The following OR2L3 variants were observed in gnomAD, a reference collection of about 807,000 sequenced individuals.
The protein encoded by OR2L3 is olfactory receptor family 2 subfamily L member 3, also known as olfactory receptor 2L3.
For synonymous variants in OR2L3, 131 were observed against 139.1 expected, an observed-to-expected ratio of 0.94 and a Z score of 0.41; for missense variants, 369 against 376.6, an observed-to-expected ratio of 0.98 and a Z score of 0.17.
chr1:248,063,362 T>G lies in OR2L3; in HGVS notation c.*1742T>G, dbSNP rs986578024. Reference sequence around the variant, plus strand: ...ATGCTCTTTAAATGTCATTTCTATTTCTAAGCCTGTGGATATTTGTTTTAC... The same window carrying G: ...ATGCTCTTTAAATGTCATTTCTATTGCTAAGCCTGTGGATATTTGTTTTAC... On this transcript the variant is annotated 3_prime_UTR_variant, in exon 2 of 2. Transcript: ENST00000359959. 7 of 152,272 alleles carry G rather than the reference T, an allele frequency of 4.6e-5. No homozygotes were observed. The highest frequency in any genetic ancestry group is 5.9e-5 in the Non-Finnish European group (4 of 68,048). The allele number at this position is 152,272 out of a possible 1,614,324, so 9.4% of individuals were successfully genotyped here. A position where few individuals can be genotyped will look rare whatever the true frequency, so the allele number is the denominator to read the frequency against.
At chr1:248,047,616 A>G (rs571863856) in intron 1 of OR2L3, among the ~76,000 whole-genome samples, 34 of 152,286 alleles carry the variant, frequency 2.2e-4, no homozygotes, top group African/African-American at 7.5e-4. Flanking sequence ...AACTTTTACA[A>G]TGTATTTATT....
chr1:248,052,334 T>C (rs778415602), intron 1 of OR2L3, among the ~76,000 whole-genome samples: 2 of 152,192 alleles, frequency 1.3e-5, no homozygotes, highest in African/African-American at 2.4e-5. Context: ...ACCATGTATA[T>C]GAGAGGCTAT....
At chr1:248,051,059 T>G (rs927996637) in intron 1 of OR2L3, 17 of 152,142 alleles carry the variant, frequency 1.1e-4, no homozygotes, top group African/African-American at 4.1e-4. Flanking sequence ...TCTGTGTCAT[T>G]AAGTACATAT....
intron 1 of OR2L3, among the ~76,000 whole-genome samples, chr1:248,060,130 T>C (rs1663575842): frequency 6.6e-6 from 1 of 152,202 alleles, no homozygotes; most frequent in Non-Finnish European, 1.5e-5. Flanking sequence ...AATGTATGCA[T>C]TTATACTGAC....
chr1:248,061,406 C>T lies in OR2L3; in HGVS notation c.725C>T (p.Thr242Ile). The T allele has an allele frequency of 2.5e-6, 4 of 1,614,116 alleles. No individual in the cohort carries two copies. The highest frequency in any genetic ancestry group is 2.5e-6 in the Non-Finnish European group (3 of 1,180,026). The change falls in exon 2 of 2, where the codon ACC becomes ATC. Residue 242 changes from threonine (T) to isoleucine (I), a missense_variant. Thr to Ile is a moderately conservative substitution (Grantham distance 89). Coordinates refer to ENST00000359959, the MANE Select transcript of OR2L3 (RefSeq NM_001004687.2). ...GRKKAYLTCS[T>I]HLTVVTFYYA... ...AAGAAAGCCTACCTGACCTGCAGCACCCACCTCACTGTAGTAACTTTCTAC... is the reference window on the plus strand; with the variant it reads ...AAGAAAGCCTACCTGACCTGCAGCATCCACCTCACTGTAGTAACTTTCTAC...
At chr1:248,058,336 G>A (rs1357599632) in intron 1 of OR2L3, among the ~76,000 whole-genome samples, 6 of 152,004 alleles carry the variant, frequency 3.9e-5, no homozygotes, top group Middle Eastern at 6.8e-3. Context: ...ATCATTCCTT[G>A]ATCCATGATA....
Position 248,060,717 on chromosome 1 carries a change from C to G in OR2L3, c.36C>G (p.Ile12Met). Residue 12 changes from isoleucine to methionine, a missense_variant, in exon 2 of 2, where the codon ATC (isoleucine) becomes ATG (methionine). Coordinates refer to ENST00000359959, the MANE Select transcript of OR2L3 (RefSeq NM_001004687.2). ...ACAATCAAACATCAACTGATTTCAT[C>G]TTATTAGGATTCTTCCCACCATCAA... Reference protein sequence around the residue: ...ENYNQTSTDFILLGFFPPSRI... With the variant: ...ENYNQTSTDFMLLGFFPPSRI... The G allele has an allele frequency of 6.2e-7, 1 of 1,613,852 alleles. No individual in the cohort carries two copies.
intron 1 of OR2L3, among the ~76,000 whole-genome samples, chr1:248,057,751 TG>T (rs959321846): frequency 6.6e-5 from 10 of 152,220 alleles, no homozygotes; most frequent in Admixed American, 2.0e-4. Flanking sequence ...TATTTCTTTT[TG>T]TTACTATTGG....
In OR2L3 at chr1:248,061,003, G is replaced by A. The variant is rs1335750107; in HGVS notation, c.322G>A (p.Gly108Ser). Reference protein sequence around the residue: ...IQSFFFSALGGAEALLLASMA... With the variant: ...IQSFFFSALGSAEALLLASMA... ...GAGTTTCTTCTTCTCGGCATTAGGA[G>A]GTGCAGAAGCACTACTTTTGGCATC... The change falls in exon 2 of 2, where the codon GGT becomes AGT. Residue 108 changes from glycine (G) to serine (S), a missense_variant. Gly to Ser is a moderately conservative substitution (Grantham distance 56, BLOSUM62 0). Coordinates refer to ENST00000359959, the MANE Select transcript of OR2L3 (RefSeq NM_001004687.2). 8 of 1,613,922 alleles carry A rather than the reference G, an allele frequency of 5.0e-6. No homozygotes were observed. Among genetic ancestry groups the A allele is most frequent in the Non-Finnish European group, 5.9e-6 (7 of 1,179,994 alleles).
intron 1 of OR2L3, among the ~76,000 whole-genome samples, chr1:248,051,399 A>G (rs1432920962): frequency 6.6e-6 from 1 of 152,190 alleles, no homozygotes; most frequent in African/African-American, 2.4e-5. Context: ...TTTGTTGATG[A>G]CCACTTGCTT....
chr1:248,047,046 G>A (rs1465038891), intron 1 of OR2L3, among the ~76,000 whole-genome samples, 166 bp downstream of exon 1: 1 of 152,106 alleles, frequency 6.6e-6, no homozygotes, highest in Non-Finnish European at 1.5e-5. Flanking sequence ...AGTATGAAAT[G>A]CACACAACCA....
Position 248,054,787 on chromosome 1 carries a change from A to G in OR2L3, c.-21-5874A>G, listed in dbSNP as rs148148712. Reference sequence around the variant, plus strand: ...GATTGCTTGAGATTTCTGCACATTGATTTTGTATCCTGAGAGTTTGATGAA... The same window carrying G: ...GATTGCTTGAGATTTCTGCACATTGGTTTTGTATCCTGAGAGTTTGATGAA... On this transcript the variant is annotated intron_variant, in intron 1 of 1. Coordinates refer to ENST00000359959, the MANE Select transcript of OR2L3 (RefSeq NM_001004687.2). Among the ~76,000 whole-genome samples, 805 of 152,232 alleles carry G rather than the reference A, an allele frequency of 5.3e-3. 10 individuals carry two copies. Among genetic ancestry groups the G allele is most frequent in the South Asian group, 0.018 (86 of 4,820 alleles).
Position 248,061,755 on chromosome 1 carries a change from TG to T in OR2L3, c.*137del. ...GTAAGAGAAAAAAATCACTGATTTC[TG>T]GACAAAATTGTTTTACATATATATG... On this transcript the variant is annotated 3_prime_UTR_variant, in exon 2 of 2. Transcript: ENST00000359959. 1.3e-6 allele frequency: 1 copy of T among 778,532 alleles called. No homozygotes were observed. The highest frequency in any genetic ancestry group is 1.9e-6 in the Non-Finnish European group (1 of 513,894). The allele number at this position is 778,532 out of a possible 1,614,324, so 48.2% of individuals were successfully genotyped here.
intron 1 of OR2L3, among the ~76,000 whole-genome samples, chr1:248,050,068 C>T (rs1355790373): frequency 3.3e-5 from 5 of 152,072 alleles, no homozygotes; most frequent in East Asian, 1.9e-4. Context: ...AATCCTGTGA[C>T]GTTCCAGGTG....
intron 1 of OR2L3, among the ~76,000 whole-genome samples, chr1:248,053,694 T>A (rs1178147763): frequency 6.6e-6 from 1 of 152,260 alleles, no homozygotes; most frequent in Non-Finnish European, 1.5e-5. Context: ...TGATTTGCAT[T>A]TCTCCAATGA....
Position 248,061,172 on chromosome 1 carries a change from A to G in OR2L3, c.491A>G (p.His164Arg). 6.2e-7 allele frequency: 1 copy of G among 1,612,954 alleles called. No homozygotes were observed. Among genetic ancestry groups the G allele is most frequent in the Non-Finnish European group, 8.5e-7 (1 of 1,179,576 alleles). ...NACAHTVYVL[H>R]IPYCQSRAIN... Reference sequence around the variant, plus strand: ...TGTGCTCACACTGTATATGTACTCCATATTCCTTATTGCCAATCCAGGGCC... The same window carrying G: ...TGTGCTCACACTGTATATGTACTCCGTATTCCTTATTGCCAATCCAGGGCC... Residue 164 changes from histidine (H) to arginine (R), a missense_variant, in exon 2 of 2, where the codon CAT (histidine) becomes CGT (arginine). His to Arg is a conservative substitution (Grantham distance 29). Coordinates refer to ENST00000359959, the MANE Select transcript of OR2L3 (RefSeq NM_001004687.2).
chr1:248,053,609 A>T (rs1284246382), intron 1 of OR2L3, among the ~76,000 whole-genome samples: 1 of 152,058 alleles, frequency 6.6e-6, no homozygotes, highest in Non-Finnish European at 1.5e-5. Context: ...TCACAGCCTC[A>T]CTAGCATCTG....
chr1:248,048,121 T>C (rs574365423), intron 1 of OR2L3, among the ~76,000 whole-genome samples: 13 of 152,334 alleles, frequency 8.5e-5, no homozygotes, highest in African/African-American at 2.9e-4. Context: ...AGTTTCTGTC[T>C]AGCCATGGAA....
chr1:248,061,718 A>G lies in OR2L3; in HGVS notation c.*98A>G. 1 of 1,135,574 alleles carries G rather than the reference A, an allele frequency of 8.8e-7. No individual in the cohort carries two copies. Among genetic ancestry groups the G allele is most frequent in the Non-Finnish European group, 1.2e-6 (1 of 829,592 alleles). The allele number at this position is 1,135,574 out of a possible 1,614,324, so 70.3% of individuals were successfully genotyped here. On this transcript the variant is annotated 3_prime_UTR_variant, in exon 2 of 2. Coordinates refer to ENST00000359959, the MANE Select transcript of OR2L3 (RefSeq NM_001004687.2). ...TTTCAATCCTAGAGTTCAGGAGCTA[A>G]AAGTAATCAAGGTAAGAGAAAAAAA...
Sources: gnomAD v4.1 joint callset for allele counts (sites outside exome capture counted in the v4.1 genomes callset) on GRCh38, gnomAD v4.1.1 for gene constraint, MANE v1.5 for transcripts, NCBI Gene and HGNC (gene_info 2026-07-23, HGNC 2026-07-21) for gene names.